Variants in ZNF512 observed in about 807,000 individuals in gnomAD.
ZNF512 encodes zinc finger protein 512.
A neutral mutation model predicts 77.5 loss-of-function variants in ZNF512; 25 were observed. That is an observed-to-expected ratio of 0.32 (90% confidence interval 0.23 to 0.45). The LOEUF (loss-of-function observed/expected upper bound fraction) is 0.45, where lower values mean the gene tolerates loss of function less well. ZNF512 is among the 20% of genes least tolerant of loss of function. ZNF512 has a pLI of 1.00. For missense variants in ZNF512, 483 were observed against 692.6 expected (o/e 0.70, Z 3.40); for synonymous variants, 246 against 239.9 (o/e 1.03, Z -0.24).
chr2:27,583,080 T>C lies in ZNF512; in HGVS notation c.-33T>C. The C allele has an allele frequency of 4.3e-6, 7 of 1,614,032 alleles. No homozygotes were observed. Among genetic ancestry groups the C allele is most frequent in the Non-Finnish European group, 5.9e-6 (7 of 1,179,948 alleles). On this transcript the variant is annotated 5_prime_UTR_variant, in exon 1 of 14. Coordinates refer to ENST00000355467, the MANE Select transcript of ZNF512 (RefSeq NM_032434.4). Reference sequence around the variant, plus strand: ...AGTGGCGTTGGTCTGGCCGGAGCCCTTGGGTGAAATTGTTAGGCGTGGAGA... The same window carrying C: ...AGTGGCGTTGGTCTGGCCGGAGCCCCTGGGTGAAATTGTTAGGCGTGGAGA...
chr2:27,610,132 A>G (rs1447670731), intron 10 of ZNF512, among the ~76,000 whole-genome samples: 1 of 151,984 alleles, frequency 6.6e-6, no homozygotes, highest in Non-Finnish European at 1.5e-5. Context: ...TGGGAGTCCA[A>G]GGTGGGCGGA....
intron 9 of ZNF512, 67 bp downstream of exon 9, chr2:27,603,374 T>C: frequency 6.5e-7 from 1 of 1,538,902 alleles, no homozygotes; most frequent in South Asian, 1.2e-5. Flanking sequence ...TACCCCTCTA[T>C]CTTCCCATAT....
At chr2:27,584,479 C>T (rs1572899929) in intron 2 of ZNF512, among the ~76,000 whole-genome samples, 1 of 152,164 alleles carries the variant, frequency 6.6e-6, no homozygotes, top group African/African-American at 2.4e-5. Flanking sequence ...GTTTGCTGTG[C>T]GCCAGTTCTG....
At chr2:27,583,511 A>G (rs1671203210) in intron 1 of ZNF512, 147 bp from the exon 2 acceptor site, 2 of 1,503,266 alleles carry the variant, frequency 1.3e-6, no homozygotes, top group African/African-American at 1.4e-5. Flanking sequence ...ATAGGACAGC[A>G]TATTTTTCCT....
chr2:27,603,326 C>G lies in ZNF512; in HGVS notation c.936+19C>G. ...TGGGCCTGTGAGTACTGATTCCTTT[C>G]TATACCCTGCGTGGGGATGTATTTC... On this transcript the variant is annotated intron_variant, in intron 9 of 13. Transcript: ENST00000355467. The G allele has an allele frequency of 6.2e-7, 1 of 1,611,808 alleles. No individual in the cohort carries two copies. The highest frequency in any genetic ancestry group is 1.7e-4 in the Middle Eastern group (1 of 5,930).
intron 10 of ZNF512, 48 bp from the exon 11 acceptor site, chr2:27,615,120 G>T: frequency 8.9e-7 from 1 of 1,124,000 alleles, no homozygotes. Flanking sequence ...GGGATATTTT[G>T]GTTGGGAGTT....
chr2:27,583,397 G>A (rs1671198774), intron 1 of ZNF512: 2 of 1,417,756 alleles, frequency 1.4e-6, no homozygotes, highest in Non-Finnish European at 1.8e-6. Flanking sequence ...TCTCATATCC[G>A]TTGTCTTTTC....
chr2:27,598,209 A>G lies in ZNF512; in HGVS notation c.232A>G (p.Met78Val), dbSNP rs776214913. 6.8e-6 allele frequency: 11 copies of G among 1,613,950 alleles called. No homozygotes were observed. Among genetic ancestry groups the G allele is most frequent in the Non-Finnish European group, 9.3e-6 (11 of 1,180,000 alleles). The change falls in exon 3 of 14, where the codon ATG becomes GTG. Residue 78 changes from methionine (M) to valine (V), a missense_variant. Met to Val is a conservative substitution (Grantham distance 21, BLOSUM62 1). This residue lies in a region of ZNF512 where 159 missense variants were observed against 167.5 expected (regional missense o/e 0.95). Transcript: ENST00000355467. The part of the protein sequence containing the change: ...PASFRKSTYW[M>V]KMRRIKPAAT... ...ATCTTTCCGAAAATCTACCTACTGG[A>G]TGAAGATGAGAAGAATCAAGCCAGC... is the stretch of plus-strand genomic sequence containing the variant.
chr2:27,589,908 A>T (rs533520170), intron 2 of ZNF512, among the ~76,000 whole-genome samples: 10 of 152,284 alleles, frequency 6.6e-5, no homozygotes, highest in African/African-American at 2.4e-4. Context: ...GTTGATACCA[A>T]TGTGGTCAGA....
intron 1 of ZNF512, chr2:27,583,449 T>C: frequency 1.4e-6 from 2 of 1,448,436 alleles, no homozygotes; most frequent in Non-Finnish European, 1.8e-6. Flanking sequence ...GCTTTGAGAA[T>C]GGGGGAAGAC....
At chr2:27,619,169 G>A (rs1377179485) in intron 13 of ZNF512, among the ~76,000 whole-genome samples, 1 of 152,178 alleles carries the variant, frequency 6.6e-6, no homozygotes, top group Non-Finnish European at 1.5e-5. Context: ...CAGCACTTTG[G>A]GAGGCCGAGG....
chr2:27,619,953 T>G (rs772438342), intron 13 of ZNF512, among the ~76,000 whole-genome samples: 1 of 152,188 alleles, frequency 6.6e-6, no homozygotes, highest in East Asian at 1.9e-4. Context: ...TTTCCCTGAT[T>G]ATCTTATAAT....
At position 27,621,364 on chromosome 2, in the gene ZNF512, T is replaced by C. The variant is rs769149207; in HGVS notation, c.1607T>C (p.Val536Ala). The C allele has an allele frequency of 6.2e-7, 1 of 1,614,080 alleles. No homozygotes were observed. The highest frequency in any genetic ancestry group is 1.1e-5 in the South Asian group (1 of 91,074). Residue 536 changes from valine to alanine, a missense_variant, in exon 14 of 14, where the codon GTG becomes GCG. Around this residue, in one of 2 missense-constraint regions of ZNF512, gnomAD observed 324 missense variants for 525.0 expected, o/e 0.62. Transcript: ENST00000355467. Reference protein sequence around the residue: ...DQRRNNEELVVSASCKEPEQE... With the variant: ...DQRRNNEELVASASCKEPEQE... ...AGGAGGAATAATGAGGAACTGGTAG[T>C]GTCAGCCTCCTGTAAGGAACCAGAG...
chr2:27,597,290 C>G (rs2148015596), intron 2 of ZNF512, among the ~76,000 whole-genome samples: 1 of 152,324 alleles, frequency 6.6e-6, no homozygotes, highest in South Asian at 2.1e-4. Flanking sequence ...CCAGAAGGAT[C>G]TTTCTGAACC....
At chr2:27,611,396 AT>A (rs1354056256) in intron 10 of ZNF512, among the ~76,000 whole-genome samples, 1 of 151,992 alleles carries the variant, frequency 6.6e-6, no homozygotes, top group Non-Finnish European at 1.5e-5. Flanking sequence ...CTTTCTCAAG[AT>A]TAGGTTGAGA....
At chr2:27,595,145 G>A (rs566631503) in intron 2 of ZNF512, among the ~76,000 whole-genome samples, 5 of 152,218 alleles carry the variant, frequency 3.3e-5, no homozygotes, top group South Asian at 4.2e-4. Flanking sequence ...GGAGGAGAGC[G>A]GGGAGAGGGA....
intron 2 of ZNF512, among the ~76,000 whole-genome samples, chr2:27,593,247 A>ACACACACACACACAC (rs1558465774): frequency 1.1e-4 from 15 of 137,436 alleles, no homozygotes; most frequent in Admixed American, 4.3e-4. Context: ...CACACACACA[A>ACACACACACACACAC]AAGAATGAGC....
rs1673154412 is a variant in ZNF512 at position 27,622,326 on chromosome 2, C to T, written c.*865C>T. On this transcript the variant is annotated 3_prime_UTR_variant, in exon 14 of 14. Coordinates refer to ENST00000355467, the MANE Select transcript of ZNF512 (RefSeq NM_032434.4). ...TTGCCCCTGATGTTTTGACAGTCTC[C>T]TAGTGCTCCTGGTAGTGCCACTAAG... The T allele has an allele frequency of 6.5e-6, 1 of 152,788 alleles. No individual in the cohort carries two copies. Among genetic ancestry groups the T allele is most frequent in the South Asian group, 2.1e-4 (1 of 4,830 alleles). 9.5% of individuals were successfully genotyped at this position (152,788 alleles called of 1,614,324 possible). A position where few individuals can be genotyped will look rare whatever the true frequency, so the allele number is the denominator to read the frequency against.
chr2:27,612,837 CATT>C (rs1672723763), intron 10 of ZNF512, among the ~76,000 whole-genome samples: 3 of 152,154 alleles, frequency 2.0e-5, no homozygotes, highest in Non-Finnish European at 4.4e-5. Flanking sequence ...CTGCCCCCAT[CATT>C]GTGTCATTTA....
Sources: gnomAD v4.1 joint callset for allele counts (sites outside exome capture counted in the v4.1 genomes callset) on GRCh38, gnomAD v4.1.1 for gene constraint, gnomAD v4.1.1 regional missense constraint, MANE v1.5 for transcripts, NCBI Gene and HGNC (gene_info 2026-07-23, HGNC 2026-07-21) for gene names.